The following OR4D1 variants were observed in gnomAD, a reference collection of about 807,000 sequenced individuals.
The protein encoded by OR4D1 is olfactory receptor family 4 subfamily D member 1, also known as olfactory receptor 4D1.
In OR4D1, 10 loss-of-function variants were observed where a neutral mutation model predicts 14.2. That is an observed-to-expected ratio of 0.71 (90% CI 0.44 to 1.20). The LOEUF is 1.20. Among genes scored for constraint, OR4D1 ranks in the 50% most tolerant of loss-of-function variants. OR4D1 has a pLI of 0.00. For synonymous variants in OR4D1, 141 were observed against 147.4 expected (o/e 0.96, Z 0.32); for missense variants, 345 against 376.6 (o/e 0.92, Z 0.70).
At position 58,158,244 on chromosome 17, in the gene OR4D1, T is replaced by C. The variant is rs1367895992; in HGVS notation, c.*2158T>C. The C allele has an allele frequency of 2.0e-5, 3 of 152,232 alleles. No individual in the cohort carries two copies. Among genetic ancestry groups the C allele is most frequent in the Non-Finnish European group, 4.4e-5 (3 of 68,062 alleles). The allele number at this position is 152,232 out of a possible 1,614,324, so 9.4% of individuals were successfully genotyped here. A position where few individuals can be genotyped will look rare whatever the true frequency, so the allele number is the denominator to read the frequency against. On this transcript the variant is annotated 3_prime_UTR_variant, in exon 4 of 4. Coordinates refer to ENST00000268912, the MANE Select transcript of OR4D1 (RefSeq NM_001386095.1). ...GAGGGAGACAAATTATTTGCAAAAC[T>C]TGCTAAAGTCAATGATTTTGATGGG... is the stretch of plus-strand genomic sequence containing the variant.
At chr17:58,150,615 C>A (rs1232052233) in intron 2 of OR4D1, among the ~76,000 whole-genome samples, 2 of 152,136 alleles carry the variant, frequency 1.3e-5, no homozygotes, top group African/African-American at 4.8e-5. Flanking sequence ...CCAGATGGAG[C>A]TGAAAGAACC....
At chr17:58,152,605 T>G (rs1567778895) in intron 2 of OR4D1, among the ~76,000 whole-genome samples, 5 of 152,176 alleles carry the variant, frequency 3.3e-5, no homozygotes, top group Admixed American at 2.6e-4. Flanking sequence ...AAAACTTCAG[T>G]GTTCATCTCT....
In OR4D1 at chr17:58,157,475, G is replaced by A; in HGVS notation, c.*1389G>A. On this transcript the variant is annotated 3_prime_UTR_variant, in exon 4 of 4. Coordinates refer to ENST00000268912, the MANE Select transcript of OR4D1 (RefSeq NM_001386095.1). ...CACGTCCCAGCTCCTCGCTCTGGAG[G>A]GCAAGTTGCTCCAGAAACAGTACCT... 2 of 1,123,264 alleles carry A rather than the reference G, an allele frequency of 1.8e-6. No individual in the cohort carries two copies. The highest frequency in any genetic ancestry group is 2.7e-6 in the Non-Finnish European group (2 of 738,324). The allele number at this position is 1,123,264 out of a possible 1,614,324, so 69.6% of individuals were successfully genotyped here. A position where few individuals can be genotyped will look rare whatever the true frequency, so the allele number is the denominator to read the frequency against.
intron 3 of OR4D1, 87 bp from the exon 4 acceptor site, chr17:58,155,048 T>C: frequency 1.1e-6 from 1 of 901,020 alleles, no homozygotes; most frequent in East Asian, 2.4e-5. Context: ...CAACTCAACT[T>C]AATCAACTCA....
Position 58,157,492 on chromosome 17 carries a change from A to G in OR4D1, c.*1406A>G. ...CTCTGGAGGGCAAGTTGCTCCAGAA[A>G]CAGTACCTCTCCATTGCAGAGGGTG... On this transcript the variant is annotated 3_prime_UTR_variant, in exon 4 of 4. Coordinates refer to ENST00000268912, the MANE Select transcript of OR4D1 (RefSeq NM_001386095.1). 8.6e-7 allele frequency: 1 copy of G among 1,162,712 alleles called. No homozygotes were observed. 72.0% of individuals were successfully genotyped at this position (1,162,712 alleles called of 1,614,324 possible).
At chr17:58,152,161 C>G (rs1027617580) in intron 2 of OR4D1, among the ~76,000 whole-genome samples, 1 of 152,146 alleles carries the variant, frequency 6.6e-6, no homozygotes, top group African/African-American at 2.4e-5. Context: ...CTTGCCACCA[C>G]GCCTAGCTAA....
rs373460470 is a variant in OR4D1, at chr17:58,155,650, T to G, written c.497T>G (p.Leu166Arg). ...GTCCAACTGGCTCTGATACTTCCAC[T>G]GCCCTTCTGTGGCCCCAATATCCTA... is the stretch of plus-strand genomic sequence containing the variant. Reference protein sequence around the residue: ...SIVQLALILPLPFCGPNILDN... With the variant: ...SIVQLALILPRPFCGPNILDN... The change falls in exon 4 of 4, where the codon CTG becomes CGG. Residue 166 changes from leucine to arginine, a missense_variant. Transcript: ENST00000268912. 8 of 1,614,202 alleles carry G rather than the reference T, an allele frequency of 5.0e-6. No homozygotes were observed. In the African/African-American group the frequency reaches 1.1e-4, roughly 22 times the overall value.
chr17:58,155,799 A>T lies in OR4D1; in HGVS notation c.646A>T (p.Ile216Phe), dbSNP rs1967763293. 1 of 1,613,866 alleles carries T rather than the reference A, an allele frequency of 6.2e-7. No homozygotes were observed. The change falls in exon 4 of 4, where the codon ATC (isoleucine) becomes TTC (phenylalanine). Residue 216 changes from isoleucine (I) to phenylalanine (F), a missense_variant. Coordinates refer to ENST00000268912, the MANE Select transcript of OR4D1 (RefSeq NM_001386095.1). Reference protein sequence around the residue: ...LVIIWFLLLLISYTVILVMLR... With the variant: ...LVIIWFLLLLFSYTVILVMLR... The stretch of plus-strand genomic sequence containing the variant: ...TATCATCTGGTTCCTCCTCCTTCTG[A>T]TCTCTTATACTGTCATCCTGGTGAT...
chr17:58,158,438 T>TCC lies in OR4D1; in HGVS notation c.*2355_*2356dup, dbSNP rs1967805552. 1 of 112,708 alleles carries TCC rather than the reference T, an allele frequency of 8.9e-6. No individual in the cohort carries two copies. Among genetic ancestry groups the TCC allele is most frequent in the Non-Finnish European group, 1.9e-5 (1 of 52,076 alleles). 7.0% of individuals were successfully genotyped at this position (112,708 alleles called of 1,614,324 possible). A position where few individuals can be genotyped will look rare whatever the true frequency, so the allele number is the denominator to read the frequency against. Reference sequence around the variant, plus strand: ...ATACTACCATATTTGTTCCTATCTCTCCCCACGCCCACCCCCCCCCCACAC... The same window carrying TCC: ...ATACTACCATATTTGTTCCTATCTCTCCCCCCACGCCCACCCCCCCCCCACAC... On this transcript the variant is annotated 3_prime_UTR_variant, in exon 4 of 4. Coordinates refer to ENST00000268912, the MANE Select transcript of OR4D1 (RefSeq NM_001386095.1).
rs1597953252 is a variant in OR4D1, at chr17:58,157,428, C to T, written c.*1342C>T. The T allele has an allele frequency of 8.8e-7, 1 of 1,134,896 alleles. No individual in the cohort carries two copies. The highest frequency in any genetic ancestry group is 2.4e-5 in the East Asian group (1 of 41,462). 70.3% of individuals were successfully genotyped at this position (1,134,896 alleles called of 1,614,324 possible). A position where few individuals can be genotyped will look rare whatever the true frequency, so the allele number is the denominator to read the frequency against. On this transcript the variant is annotated 3_prime_UTR_variant, in exon 4 of 4. Transcript: ENST00000268912. ...ACCCTGAGAAAACACAAGACCAATC[C>T]GAAGCCGCGCACAGCCTTTACCACG...
intron 1 of OR4D1, among the ~76,000 whole-genome samples, chr17:58,148,930 G>T (rs1477798592): frequency 6.6e-6 from 1 of 152,022 alleles, no homozygotes; most frequent in African/African-American, 2.4e-5. Context: ...ACTCACTCCA[G>T]ATTTTCTTCC....
In OR4D1 at chr17:58,156,236, CA is replaced by C; in HGVS notation, c.*151del. 2 of 614,912 alleles carry C rather than the reference CA, an allele frequency of 3.3e-6. No homozygotes were observed. Among genetic ancestry groups the C allele is most frequent in the Admixed American group, 3.1e-5 (1 of 32,058 alleles). 38.1% of individuals were successfully genotyped at this position (614,912 alleles called of 1,614,324 possible). A position where few individuals can be genotyped will look rare whatever the true frequency, so the allele number is the denominator to read the frequency against. On this transcript the variant is annotated 3_prime_UTR_variant, in exon 4 of 4. Transcript: ENST00000268912. The stretch of plus-strand genomic sequence containing the variant: ...GTGCTGTGTCAAGTACTGTGTTAAG[CA>C]CTTCCACGCTTTTTTTCTTTTTTTT...
Position 58,158,060 on chromosome 17 carries a change from G to GCC in OR4D1, c.*1974_*1975insCC. The stretch of plus-strand genomic sequence containing the variant: ...AAAGATTGGCTCTGATGGTTTTTAT[G>GCC]TATAAATATATATATAATAAAATAT... On this transcript the variant is annotated 3_prime_UTR_variant, in exon 4 of 4. Transcript: ENST00000268912. 1 of 205,442 alleles carries GCC rather than the reference G, an allele frequency of 4.9e-6. No homozygotes were observed. The highest frequency in any genetic ancestry group is 1.1e-4 in the East Asian group (1 of 8,796). The allele number at this position is 205,442 out of a possible 1,614,324, so 12.7% of individuals were successfully genotyped here. A position where few individuals can be genotyped will look rare whatever the true frequency, so the allele number is the denominator to read the frequency against.
In OR4D1 at chr17:58,157,705, AT is replaced by A; in HGVS notation, c.*1620del. The A allele has an allele frequency of 6.2e-7, 1 of 1,613,752 alleles. No individual in the cohort carries two copies. Among genetic ancestry groups the A allele is most frequent in the South Asian group, 1.1e-5 (1 of 91,066 alleles). ...GCTCGCCCCTGCAGGCAGCGTCCAT[AT>A]ACGCAGCATCCTACCCGTTCCATAG... On this transcript the variant is annotated 3_prime_UTR_variant, in exon 4 of 4. Coordinates refer to ENST00000268912, the MANE Select transcript of OR4D1 (RefSeq NM_001386095.1).
intron 2 of OR4D1, among the ~76,000 whole-genome samples, chr17:58,150,844 A>G (rs1452478096): frequency 6.6e-6 from 1 of 151,868 alleles, no homozygotes; most frequent in Admixed American, 6.6e-5. Flanking sequence ...TCCTTCCCCG[A>G]ACCCTTCCCC....
Position 58,157,855 on chromosome 17 carries a change from C to CA in OR4D1, c.*1769_*1770insA. 6.6e-7 allele frequency: 1 copy of CA among 1,526,638 alleles called. No homozygotes were observed. Among genetic ancestry groups the CA allele is most frequent in the East Asian group, 2.2e-5 (1 of 44,470 alleles). The allele number at this position is 1,526,638 out of a possible 1,614,324, so 94.6% of individuals were successfully genotyped here. ...GATGGATGTTTGTTTCAAAGGGTTTCCTCTCCCTCTCCAAGAAGGCAGGAC... is the reference window on the plus strand; with the variant it reads ...GATGGATGTTTGTTTCAAAGGGTTTCACTCTCCCTCTCCAAGAAGGCAGGAC... On this transcript the variant is annotated 3_prime_UTR_variant, in exon 4 of 4. Transcript: ENST00000268912.
rs1390965143 is a variant in OR4D1, at chr17:58,158,439, C to T, written c.*2353C>T. On this transcript the variant is annotated 3_prime_UTR_variant, in exon 4 of 4. Coordinates refer to ENST00000268912, the MANE Select transcript of OR4D1 (RefSeq NM_001386095.1). Reference sequence around the variant, plus strand: ...TACTACCATATTTGTTCCTATCTCTCCCCACGCCCACCCCCCCCCCACACA... The same window carrying T: ...TACTACCATATTTGTTCCTATCTCTTCCCACGCCCACCCCCCCCCCACACA... 1 of 110,654 alleles carries T rather than the reference C, an allele frequency of 9.0e-6. No individual in the cohort carries two copies. The highest frequency in any genetic ancestry group is 2.0e-5 in the Non-Finnish European group (1 of 50,268). 6.9% of individuals were successfully genotyped at this position (110,654 alleles called of 1,614,324 possible).
At chr17:58,148,848 T>C (rs1265662038) in intron 1 of OR4D1, among the ~76,000 whole-genome samples, 1 of 152,124 alleles carries the variant, frequency 6.6e-6, no homozygotes, top group Non-Finnish European at 1.5e-5. Context: ...GCTCTGACAC[T>C]TTCCACCCTC....
intron 2 of OR4D1, among the ~76,000 whole-genome samples, chr17:58,150,730 G>T (rs1967692572): frequency 6.6e-6 from 1 of 152,012 alleles, no homozygotes; most frequent in Admixed American, 6.6e-5. Flanking sequence ...TGGGAATCAC[G>T]GTCTCCTTCT....
Sources: allele counts gnomAD v4.1 joint callset (sites outside exome capture counted in the v4.1 genomes callset), GRCh38; gene constraint gnomAD v4.1.1; transcripts MANE v1.5; gene names NCBI Gene and HGNC (gene_info 2026-07-23, HGNC 2026-07-21).